Variants in NPAS3 observed in about 807,000 individuals in gnomAD.
NPAS3 encodes neuronal PAS domain protein 3, also known as neuronal PAS domain-containing protein 3.
A neutral mutation model predicts 73.1 loss-of-function variants in NPAS3; 14 were observed. That is an observed-to-expected ratio of 0.19 (90% CI 0.13 to 0.30). The LOEUF is 0.30. Ranked by LOEUF, NPAS3 falls within the 10% of genes least tolerant of loss-of-function variation. The pLI is 1.00. For missense variants in NPAS3, 1,096 were observed against 1,250.0 expected (o/e 0.88, Z 1.86); for synonymous variants, 620 against 541.5 (o/e 1.14, Z -2.01).
At chr14:33,397,713 T>A (rs1333744600) in intron 4 of NPAS3, among the ~76,000 whole-genome samples, 1 of 152,130 alleles carries the variant, frequency 6.6e-6, no homozygotes, top group Admixed American at 6.6e-5. Context: ...AGAAAACCGA[T>A]GTATGGAAAG....
chr14:33,800,518 G>A lies in NPAS3; in HGVS notation c.2211G>A (p.Ala737=), dbSNP rs1231098839. The A allele has an allele frequency of 1.4e-6, 2 of 1,391,348 alleles. No individual in the cohort carries two copies. The highest frequency in any genetic ancestry group is 3.1e-5 in the African/African-American group (2 of 65,114). The allele number at this position is 1,391,348 out of a possible 1,614,324, so 86.2% of individuals were successfully genotyped here. ...CTCAGTTCGGCGCCTCGGCCACCGC[G>A]GCCCTGGCCCCCGTCGCCTCCGACC... Residue 737 remains alanine, a synonymous_variant, in exon 12 of 12, where the codon GCG becomes GCA. Coordinates refer to ENST00000356141, the Ensembl canonical transcript of NPAS3. This position sits in a 1 kb window ranked among gnomAD's most constrained non-coding sequence, Gnocchi z 6.5.
At chr14:33,739,316 TA>T (rs1352148690) in intron 7 of NPAS3, among the ~76,000 whole-genome samples, 1 of 152,176 alleles carries the variant, frequency 6.6e-6, no homozygotes, top group Admixed American at 6.6e-5. Context: ...TACCTGTAGC[TA>T]GGTACTAAAC....
chr14:33,799,671 A>C (rs1595640163), intron 11 of NPAS3, 63 bp from the exon 12 acceptor site: 1 of 1,533,194 alleles, frequency 6.5e-7, no homozygotes, highest in Non-Finnish European at 8.8e-7. Flanking sequence ...CGCCCCGCTA[A>C]CCTGGTGTCT....
intron 2 of NPAS3, among the ~76,000 whole-genome samples, chr14:33,115,164 G>A (rs1366190097): frequency 6.6e-6 from 1 of 152,174 alleles, no homozygotes; most frequent in East Asian, 1.9e-4. Context: ...ATATCGGAAA[G>A]GGATAGGTGG....
intron 10 of NPAS3, among the ~76,000 whole-genome samples, 174 bp downstream of exon 10, chr14:33,794,218 T>C (rs1299328050): frequency 3.9e-5 from 6 of 152,226 alleles, no homozygotes; most frequent in Admixed American, 1.3e-4. Context: ...TGTGAGAAGA[T>C]CAAACTATGT....
chr14:33,377,537 A>G (rs1347238563), intron 4 of NPAS3, among the ~76,000 whole-genome samples: 2 of 152,352 alleles, frequency 1.3e-5, no homozygotes, highest in South Asian at 2.1e-4. Context: ...CTTCCATGTC[A>G]GGGTCAGAAG....
chr14:33,440,330 G>A (rs1192659002), intron 4 of NPAS3, among the ~76,000 whole-genome samples: 3 of 152,062 alleles, frequency 2.0e-5, no homozygotes, highest in Admixed American at 6.5e-5. Context: ...GCTCAGGGTG[G>A]TCTCAAGCCT....
At chr14:33,629,488 T>C (rs1490521526) in intron 5 of NPAS3, among the ~76,000 whole-genome samples, 1 of 152,140 alleles carries the variant, frequency 6.6e-6, no homozygotes, top group African/African-American at 2.4e-5. Context: ...CTATAGTGTG[T>C]GTATGAACTT....
intron 1 of NPAS3, among the ~76,000 whole-genome samples, chr14:33,050,098 CT>C (rs2138484609): frequency 6.6e-6 from 1 of 152,192 alleles, no homozygotes. Context: ...AATCAGACTC[CT>C]AGGTCACGTT....
chr14:33,645,328 C>T (rs1490120262), intron 5 of NPAS3, among the ~76,000 whole-genome samples: 1 of 152,052 alleles, frequency 6.6e-6, no homozygotes, highest in Admixed American at 6.6e-5. Context: ...TCCAGAATTG[C>T]ATATTAACAA....
At chr14:33,406,691 G>T (rs1245542045) in intron 4 of NPAS3, among the ~76,000 whole-genome samples, 1 of 152,082 alleles carries the variant, frequency 6.6e-6, no homozygotes, top group East Asian at 1.9e-4. Flanking sequence ...ACACCACAGT[G>T]CAAAGTTCAC....
intron 2 of NPAS3, among the ~76,000 whole-genome samples, chr14:33,172,714 C>G (rs191843241): frequency 6.6e-6 from 1 of 151,496 alleles, no homozygotes; most frequent in Non-Finnish European, 1.5e-5. Flanking sequence ...CCAACTCCAA[C>G]CTGGGTGACA....
At chr14:33,404,387 C>G (rs2079777420) in intron 4 of NPAS3, among the ~76,000 whole-genome samples, 1 of 152,106 alleles carries the variant, frequency 6.6e-6, no homozygotes, top group South Asian at 2.1e-4. Flanking sequence ...ACTGAATAAA[C>G]TAAGATTTCC....
intron 3 of NPAS3, among the ~76,000 whole-genome samples, chr14:33,243,231 A>G (rs1474664842): frequency 6.6e-6 from 1 of 152,200 alleles, no homozygotes; most frequent in Non-Finnish European, 1.5e-5. Context: ...TTATAATGGA[A>G]GCAGAAAAGC....
intron 4 of NPAS3, among the ~76,000 whole-genome samples, chr14:33,539,296 C>A (rs1217523354): frequency 1.3e-5 from 2 of 151,964 alleles, no homozygotes; most frequent in Admixed American, 6.6e-5. Context: ...AGGATTTTTT[C>A]AATCACCACT....
At chr14:33,783,238 G>T (rs1025396013) in intron 9 of NPAS3, among the ~76,000 whole-genome samples, 1 of 152,192 alleles carries the variant, frequency 6.6e-6, no homozygotes, top group Non-Finnish European at 1.5e-5. Flanking sequence ...GAAGGAAAGA[G>T]AAAAGGTGGA....
At chr14:33,761,917 G>T (rs1050715882) in intron 7 of NPAS3, among the ~76,000 whole-genome samples, 48 of 152,270 alleles carry the variant, frequency 3.2e-4, no homozygotes, top group Middle Eastern at 3.4e-3. Flanking sequence ...AGGAAGCCAG[G>T]CTACAGGTAG....
intron 3 of NPAS3, among the ~76,000 whole-genome samples, chr14:33,235,165 C>T (rs560841357): frequency 1.8e-4 from 28 of 152,166 alleles, no homozygotes; most frequent in African/African-American, 6.5e-4. Context: ...ATTCCTCTAC[C>T]GCCCCACACT....
intron 5 of NPAS3, chr14:33,578,215 C>T (rs181811242): frequency 2.8e-4 from 129 of 455,752 alleles, no homozygotes; most frequent in Admixed American, 4.9e-4. Context: ...CTCTTTGAGA[C>T]GGAGTTTTAC....
Sources: allele counts gnomAD v4.1 joint callset (sites outside exome capture counted in the v4.1 genomes callset), GRCh38; gene constraint gnomAD v4.1.1; non-coding constraint Gnocchi (gnomAD v3.1); transcripts MANE v1.5; gene names NCBI Gene and HGNC (gene_info 2026-07-23, HGNC 2026-07-21).